Variants in ESRP1 observed in about 807,000 individuals in gnomAD.
The protein encoded by ESRP1 is epithelial splicing regulatory protein 1.
Under a neutral mutation model 81.7 loss-of-function variants are expected in ESRP1, and 33 were observed. The ratio of observed to expected loss-of-function variants is 0.40; its 90% confidence interval spans 0.31 to 0.54. ESRP1 has a LOEUF of 0.54. Ranked by LOEUF, ESRP1 falls within the 20% of genes least tolerant of loss-of-function variation. ESRP1 has a pLI of 0.41. For synonymous variants in ESRP1, 320 were observed against 303.3 expected, an observed-to-expected ratio of 1.06 and a Z score of -0.57; for missense variants, 672 against 833.1, an observed-to-expected ratio of 0.81 and a Z score of 2.38.
chr8:94,641,378 G>A lies in ESRP1; in HGVS notation c.60G>A (p.Gly20=), dbSNP rs559687831. 1 of 1,613,924 alleles carries A rather than the reference G, an allele frequency of 6.2e-7. No homozygotes were observed. The highest frequency in any genetic ancestry group is 1.3e-5 in the African/African-American group (1 of 75,018). ...TTGGGATCACTGCTGGGGCCACCGG[G>A]GCCAAGCTAGGCTCGGATGAGAAGG... ...VLFGITAGAT[G]AKLGSDEKEL... is the part of the protein sequence containing the mutation. Residue 20 remains glycine, a synonymous_variant, in exon 1 of 16, where the codon GGG becomes GGA. Coordinates refer to ENST00000433389, the MANE Select transcript of ESRP1 (RefSeq NM_017697.4).
At chr8:94,653,737 C>G (rs1264547270) in intron 4 of ESRP1, among the ~76,000 whole-genome samples, 1 of 152,090 alleles carries the variant, frequency 6.6e-6, no homozygotes, top group Non-Finnish European at 1.5e-5. Flanking sequence ...CAAACCTTCC[C>G]TGCCCTGCTG....
At chr8:94,655,511 C>G (rs1439103348) in intron 4 of ESRP1, among the ~76,000 whole-genome samples, 2 of 151,830 alleles carry the variant, frequency 1.3e-5, no homozygotes, top group Non-Finnish European at 2.9e-5. Flanking sequence ...CTTGACTTCT[C>G]ATTGTATTTT....
At chr8:94,658,300 T>C (rs1467170992) in intron 4 of ESRP1, among the ~76,000 whole-genome samples, 2 of 152,154 alleles carry the variant, frequency 1.3e-5, no homozygotes, top group Admixed American at 6.5e-5. Context: ...TAGGGAGTGG[T>C]TGGCACAAAA....
At chr8:94,657,472 CGTGTGT>C (rs9297944) in intron 4 of ESRP1, among the ~76,000 whole-genome samples, 260 of 146,250 alleles carry the variant, frequency 1.8e-3, no homozygotes, top group South Asian at 3.5e-3. Flanking sequence ...AGGCTGTGTG[CGTGTGT>C]GTGTGTGTGT....
chr8:94,703,335 G>C lies in ESRP1; in HGVS notation c.*36-2590G>C, dbSNP rs527644885. 1.4e-4 allele frequency among the ~76,000 whole-genome samples: 22 copies of C among 151,982 alleles called. No homozygotes were observed. In the South Asian group the frequency reaches 4.6e-3, roughly 32 times the overall value. On this transcript the variant is annotated intron_variant, in intron 15 of 15. Transcript: ENST00000433389. The stretch of plus-strand genomic sequence containing the variant: ...ACTCCCAGCTTATTTATTATTTTTA[G>C]TAGAGACAGGGTTTCACCATGTTGG...
At chr8:94,647,923 G>A (rs1301912233) in intron 4 of ESRP1, among the ~76,000 whole-genome samples, 2 of 152,114 alleles carry the variant, frequency 1.3e-5, no homozygotes, top group Non-Finnish European at 2.9e-5. Context: ...GGGAGGATGG[G>A]TTGAGACCAG....
chr8:94,698,047 CTG>C (rs1374157134), intron 15 of ESRP1, among the ~76,000 whole-genome samples: 1 of 152,150 alleles, frequency 6.6e-6, no homozygotes, highest in East Asian at 1.9e-4. Flanking sequence ...TTCCAAAGTG[CTG>C]GGATTATAGG....
chr8:94,657,266 T>C (rs1818472194), intron 4 of ESRP1, among the ~76,000 whole-genome samples: 1 of 152,222 alleles, frequency 6.6e-6, no homozygotes, highest in South Asian at 2.1e-4. Flanking sequence ...AATGAGTAAG[T>C]TGCATGAGGA....
In ESRP1 at chr8:94,643,400, C is replaced by T; in HGVS notation, c.359C>T (p.Pro120Leu). The T allele has an allele frequency of 6.2e-7, 1 of 1,612,858 alleles. No individual in the cohort carries two copies. Among genetic ancestry groups the T allele is most frequent in the Non-Finnish European group, 8.5e-7 (1 of 1,178,834 alleles). Reference protein sequence around the residue: ...GQLHVRQILHPEASKKNVLLP... With the variant: ...GQLHVRQILHLEASKKNVLLP... ...CTTCATGTCAGGCAAATCCTGCATC[C>T]TGAGGCTTCCAAGAAGGTAAGAGTG... The change falls in exon 3 of 16, where the codon CCT (proline) becomes CTT (leucine). Residue 120 changes from proline (P) to leucine (L), a missense_variant. Pro to Leu is a moderately conservative substitution (Grantham distance 98). Transcript: ENST00000433389.
intron 13 of ESRP1, among the ~76,000 whole-genome samples, chr8:94,678,823 A>G (rs1808747844): frequency 6.6e-6 from 1 of 152,246 alleles, no homozygotes; most frequent in Non-Finnish European, 1.5e-5. Context: ...ATCTTTAAAC[A>G]AATCTATAAA....
At chr8:94,651,660 A>G (rs1818137365) in intron 4 of ESRP1, among the ~76,000 whole-genome samples, 16 of 152,058 alleles carry the variant, frequency 1.1e-4, no homozygotes, top group Admixed American at 1.0e-3. Flanking sequence ...TCTGTTGCCC[A>G]GGCTGGAGTG....
intron 13 of ESRP1, among the ~76,000 whole-genome samples, chr8:94,684,294 G>A (rs1030009313): frequency 1.3e-5 from 2 of 152,196 alleles, no homozygotes; most frequent in Admixed American, 6.5e-5. Context: ...CTTTCTCTGA[G>A]TGGTAGAAGT....
chr8:94,693,126 G>A (rs778859153), intron 14 of ESRP1, among the ~76,000 whole-genome samples: 3 of 152,192 alleles, frequency 2.0e-5, no homozygotes, highest in Admixed American at 2.0e-4. Context: ...AGCAGTATGA[G>A]TGTTTACATC....
At chr8:94,681,325 CAAAAAAA>C (rs1171703394) in intron 13 of ESRP1, among the ~76,000 whole-genome samples, 28 of 31,280 alleles carry the variant, frequency 9.0e-4, no homozygotes, top group South Asian at 1.9e-3. Flanking sequence ...GACTCCATCT[CAAAAAAA>C]AAAAAAAAAA....
intron 4 of ESRP1, among the ~76,000 whole-genome samples, chr8:94,659,527 C>T (rs1173238037): frequency 6.6e-6 from 1 of 152,218 alleles, no homozygotes; most frequent in Non-Finnish European, 1.5e-5. Context: ...AACCCTACAA[C>T]AGCATCTAAC....
At chr8:94,678,157 C>T (rs772186697) in intron 12 of ESRP1, 46 bp from the exon 13 acceptor site, 6 of 1,592,932 alleles carry the variant, frequency 3.8e-6, no homozygotes, top group Non-Finnish European at 5.2e-6. Flanking sequence ...ACGTGCATGT[C>T]AGCTGTTACA....
intron 4 of ESRP1, among the ~76,000 whole-genome samples, chr8:94,654,006 C>T (rs753536079): frequency 2.6e-5 from 4 of 152,048 alleles, no homozygotes; most frequent in South Asian, 2.1e-4. Flanking sequence ...ATGTTAATTA[C>T]GTGTGGTTTG....
chr8:94,671,809 A>G, intron 11 of ESRP1, 138 bp downstream of exon 11: 2 of 566,720 alleles, frequency 3.5e-6, no homozygotes. Flanking sequence ...TTAGTCTGAG[A>G]TAAATTTAGA....
At chr8:94,681,720 C>T (rs1181565144) in intron 13 of ESRP1, among the ~76,000 whole-genome samples, 2 of 151,864 alleles carry the variant, frequency 1.3e-5, no homozygotes, top group East Asian at 1.9e-4. Flanking sequence ...AGGCAGATCA[C>T]GAGGTCAGGG....
Sources: gnomAD v4.1 joint callset for allele counts (sites outside exome capture counted in the v4.1 genomes callset) on GRCh38, gnomAD v4.1.1 for gene constraint, MANE v1.5 for transcripts, NCBI Gene and HGNC (gene_info 2026-07-23, HGNC 2026-07-21) for gene names.